The following SMCP variants were observed in gnomAD, a reference collection of about 807,000 sequenced individuals.
SMCP encodes sperm mitochondria associated cysteine rich protein.
For missense variants in SMCP, 137 were observed against 137.1 expected (o/e 1.00, Z 0.01); for synonymous variants, 41 against 46.9 (o/e 0.87, Z 0.51).
At chr1:152,881,300 A>T (rs527427747) in intron 1 of SMCP, among the ~76,000 whole-genome samples, 1 of 152,260 alleles carries the variant, frequency 6.6e-6, no homozygotes, top group African/African-American at 2.4e-5. Context: ...GTCCTTTAGC[A>T]ACCACCTGAC....
At chr1:152,879,759 C>G (rs1408538579) in intron 1 of SMCP, among the ~76,000 whole-genome samples, 1 of 152,160 alleles carries the variant, frequency 6.6e-6, no homozygotes, top group Non-Finnish European at 1.5e-5. Context: ...GGTTTCCAAC[C>G]TGCTGTCCTT....
chr1:152,880,975 G>GGGAAGGAGGCCC (rs1649010287), intron 1 of SMCP, among the ~76,000 whole-genome samples: 1 of 3,634 alleles, frequency 2.8e-4, no homozygotes, highest in Non-Finnish European at 1.1e-3. Context: ...GTAGCACTGT[G>GGGAAGGAGGCCC]CTCCCCTCCT....
rs79427950 is a variant in SMCP at position 152,881,078 on chromosome 1, G to A, written c.-21+2632G>A. On this transcript the variant is annotated intron_variant, in intron 1 of 1. Transcript: ENST00000368765. ...GGGGCTGGGTCCAACGTGTGAGTCT[G>A]AAAGTTACTGTTTCTAGTGGGTGGC... Among the ~76,000 whole-genome samples, 356 of 113,358 alleles carry A rather than the reference G, an allele frequency of 3.1e-3. 2 individuals are homozygous for A. The highest frequency in any genetic ancestry group is 0.011 in the African/African-American group (327 of 30,090). The allele number at this position is 113,358 out of a possible 152,430, so 74.4% of individuals were successfully genotyped here. A position where few individuals can be genotyped will look rare whatever the true frequency, so the allele number is the denominator to read the frequency against.
chr1:152,881,125 A>AT (rs1649025088), intron 1 of SMCP, among the ~76,000 whole-genome samples: 1 of 151,990 alleles, frequency 6.6e-6, no homozygotes, highest in South Asian at 2.1e-4. Flanking sequence ...CACCTGGCTC[A>AT]ATGGGACCCA....
In SMCP at chr1:152,884,878, G is replaced by T. The variant is rs942122625; in HGVS notation, c.*105G>T. 1 of 995,224 alleles carries T rather than the reference G, an allele frequency of 1.0e-6. No individual in the cohort carries two copies. Among genetic ancestry groups the T allele is most frequent in the Admixed American group, 2.7e-5 (1 of 37,072 alleles). The allele number at this position is 995,224 out of a possible 1,614,324, so 61.6% of individuals were successfully genotyped here. ...GGCTAGACCTGTGTTTAGAGAAGCA[G>T]TTTTCACAGTGACTACCATTTCCAC... On this transcript the variant is annotated 3_prime_UTR_variant, in exon 2 of 2. Transcript: ENST00000368765.
At chr1:152,878,783 G>C (rs954838163) in intron 1 of SMCP, among the ~76,000 whole-genome samples, 15 of 152,168 alleles carry the variant, frequency 9.9e-5, no homozygotes, top group Non-Finnish European at 2.9e-5. Flanking sequence ...TGGAGGTTTT[G>C]GGTTAAGGAA....
intron 1 of SMCP, among the ~76,000 whole-genome samples, chr1:152,883,044 C>CA (rs1316166167): frequency 6.6e-6 from 1 of 152,010 alleles, no homozygotes. Context: ...AGCTCCATCT[C>CA]AAAAAAACAA....
chr1:152,881,694 CA>C (rs767042818), intron 1 of SMCP, among the ~76,000 whole-genome samples: 197 of 70,172 alleles, frequency 2.8e-3, no homozygotes, highest in South Asian at 0.023. Context: ...GACTCCGTCT[CA>C]AAAAAAAAAA....
At chr1:152,882,659 G>GCACACA (rs143397836) in intron 1 of SMCP, among the ~76,000 whole-genome samples, 27 of 150,086 alleles carry the variant, frequency 1.8e-4, no homozygotes, top group African/African-American at 5.1e-4. Context: ...GCACTTAGGT[G>GCACACA]CACACACACA....
intron 1 of SMCP, among the ~76,000 whole-genome samples, chr1:152,881,103 C>T (rs1038695518): frequency 4.8e-5 from 7 of 146,806 alleles, no homozygotes; most frequent in Admixed American, 2.1e-4. Flanking sequence ...TAGTGGGTGG[C>T]GCTGTCGGCC....
At chr1:152,880,309 C>T (rs1266635677) in intron 1 of SMCP, among the ~76,000 whole-genome samples, 1 of 152,130 alleles carries the variant, frequency 6.6e-6, no homozygotes, top group African/African-American at 2.4e-5. Context: ...CCCCGGCACA[C>T]CCAAATTCAC....
rs140250793 is a variant in SMCP, at chr1:152,878,652, A to G, written c.-21+206A>G. ...CATGGGAGCCACTGGGGGTGGGGAT[A>G]GTGAGAATGCCTGTGTTTATGGAAC... On this transcript the variant is annotated intron_variant, in intron 1 of 1. Transcript: ENST00000368765. Among the ~76,000 whole-genome samples the G allele has an allele frequency of 2.2e-3, 328 of 152,338 alleles. 2 individuals are homozygous for G. The highest frequency in any genetic ancestry group is 7.5e-3 in the African/African-American group (313 of 41,588).
chr1:152,884,901 CACCCAATGAG>C lies in SMCP; in HGVS notation c.*130_*139del. 1 of 805,088 alleles carries C rather than the reference CACCCAATGAG, an allele frequency of 1.2e-6. No homozygotes were observed. Among genetic ancestry groups the C allele is most frequent in the Non-Finnish European group, 2.0e-6 (1 of 507,252 alleles). The allele number at this position is 805,088 out of a possible 1,614,324, so 49.9% of individuals were successfully genotyped here. ...CAGTTTTCACAGTGACTACCATTTC[CACCCAATGAG>C]AGGCTCCTATTTCCCATCATAGCTC... is the stretch of plus-strand genomic sequence containing the variant. On this transcript the variant is annotated 3_prime_UTR_variant, in exon 2 of 2. Transcript: ENST00000368765.
At chr1:152,880,926 G>C (rs4845492) in intron 1 of SMCP, among the ~76,000 whole-genome samples, 28,632 of 151,562 alleles carry the variant, frequency 0.19, 4,917 homozygotes, top group East Asian at 0.56. Context: ...CCCTAATGCT[G>C]TAGTTCAGGA....
chr1:152,883,384 G>A (rs1649113839), intron 1 of SMCP, among the ~76,000 whole-genome samples: 1 of 152,188 alleles, frequency 6.6e-6, no homozygotes, highest in African/African-American at 2.4e-5. Context: ...CACAACAGTG[G>A]CGTTCATCCT....
intron 1 of SMCP, 67 bp from the exon 2 acceptor site, chr1:152,884,336 A>T: frequency 7.5e-7 from 1 of 1,333,410 alleles, no homozygotes; most frequent in African/African-American, 1.5e-5. Flanking sequence ...TTGGGTGTCA[A>T]GAAAGGAGGA....
In SMCP at chr1:152,884,836, G is replaced by A; in HGVS notation, c.*63G>A. The A allele has an allele frequency of 6.9e-7, 1 of 1,442,306 alleles. No homozygotes were observed. Among genetic ancestry groups the A allele is most frequent in the South Asian group, 1.3e-5 (1 of 79,972 alleles). 89.3% of individuals were successfully genotyped at this position (1,442,306 alleles called of 1,614,324 possible). On this transcript the variant is annotated 3_prime_UTR_variant, in exon 2 of 2. Transcript: ENST00000368765. ...CCATGCCTTTCACTTTGTAGGGTGG[G>A]GGATTACTGAGAGTCAGGCTAGACC...
intron 1 of SMCP, among the ~76,000 whole-genome samples, chr1:152,883,022 T>G (rs566452348): frequency 1.9e-4 from 29 of 152,124 alleles, no homozygotes; most frequent in Non-Finnish European, 3.1e-4. Context: ...CCAGCCTGGG[T>G]GACAAGAGCG....
intron 1 of SMCP, among the ~76,000 whole-genome samples, chr1:152,881,538 A>C (rs1649044368): frequency 6.6e-6 from 1 of 150,990 alleles, no homozygotes; most frequent in South Asian, 2.1e-4. Context: ...AATACAAAAA[A>C]TTAGCCGGGC....
Sources: gnomAD v4.1 joint callset for allele counts (sites outside exome capture counted in the v4.1 genomes callset) on GRCh38, gnomAD v4.1.1 for gene constraint, MANE v1.5 for transcripts, NCBI Gene and HGNC (gene_info 2026-07-23, HGNC 2026-07-21) for gene names.